Variants in CDH4 observed in about 807,000 individuals in gnomAD.
The protein encoded by CDH4 is cadherin-4.
CDH4 carries 33 observed loss-of-function variants against 86.0 expected under a neutral mutation model. That is an observed-to-expected ratio of 0.38 (90% confidence interval 0.29 to 0.51). The LOEUF is 0.51. Among genes scored for constraint, CDH4 ranks in the 20% least tolerant of loss-of-function variants. The pLI, the probability that CDH4 is intolerant of heterozygous loss-of-function variation, is 0.86. For missense variants in CDH4, 1,114 were observed against 1,307.4 expected, an observed-to-expected ratio of 0.85 and a Z score of 2.28; for synonymous variants, 555 against 549.4, an observed-to-expected ratio of 1.01 and a Z score of -0.14.
chr20:61,254,911 T>G lies in CDH4; in HGVS notation c.143T>G (p.Ile48Ser). 1 of 1,611,290 alleles carries G rather than the reference T, an allele frequency of 6.2e-7. No individual in the cohort carries two copies. Among genetic ancestry groups the G allele is most frequent in the Non-Finnish European group, 8.5e-7 (1 of 1,177,492 alleles). The change falls in exon 2 of 16, where the codon ATT (isoleucine) becomes AGT (serine). Residue 48 changes from isoleucine (I) to serine (S), a missense_variant. Ile to Ser is a moderately radical substitution (Grantham distance 142). Coordinates refer to ENST00000614565, the MANE Select transcript of CDH4 (RefSeq NM_001794.5). ...TACACGGCATTAATCTCCCAAAATA[T>G]TCTAGAAGGGGAAAAGCTACTTCAA... ...DDYTALISQN[I>S]LEGEKLLQVK...
At chr20:61,851,740 CTG>C (rs1207126842) in intron 5 of CDH4, among the ~76,000 whole-genome samples, 1 of 152,226 alleles carries the variant, frequency 6.6e-6, no homozygotes, top group African/African-American at 2.4e-5. Context: ...CCCAGCCTCT[CTG>C]TGTCCTCTGC....
At chr20:61,884,056 G>A (rs1480223882) in intron 7 of CDH4, among the ~76,000 whole-genome samples, 2 of 152,194 alleles carry the variant, frequency 1.3e-5, no homozygotes, top group Admixed American at 6.5e-5. Flanking sequence ...GGGACTCGCT[G>A]CCTGGAACTG....
intron 2 of CDH4, among the ~76,000 whole-genome samples, chr20:61,683,313 A>G (rs2087538238): frequency 6.6e-6 from 1 of 152,246 alleles, no homozygotes; most frequent in Non-Finnish European, 1.5e-5. Flanking sequence ...GCAGAGAAAG[A>G]AACGATCACA....
At chr20:61,348,797 C>G (rs2084693973) in intron 2 of CDH4, among the ~76,000 whole-genome samples, 1 of 152,202 alleles carries the variant, frequency 6.6e-6, no homozygotes, top group Non-Finnish European at 1.5e-5. Context: ...TTGAAATAAA[C>G]CCTCTGATGG....
At chr20:61,512,329 T>C (rs1027251875) in intron 2 of CDH4, among the ~76,000 whole-genome samples, 3 of 152,182 alleles carry the variant, frequency 2.0e-5, no homozygotes, top group Non-Finnish European at 4.4e-5. Context: ...AGAGTTCTTA[T>C]AGCCAGGCCC....
chr20:61,785,052 T>G (rs1244880801), intron 4 of CDH4, among the ~76,000 whole-genome samples: 1 of 152,184 alleles, frequency 6.6e-6, no homozygotes, highest in African/African-American at 2.4e-5. Context: ...ACTGGGGGCT[T>G]CCTCCTGCTC....
intron 2 of CDH4, among the ~76,000 whole-genome samples, chr20:61,624,548 C>T (rs1228746187): frequency 6.6e-6 from 1 of 152,218 alleles, no homozygotes; most frequent in Non-Finnish European, 1.5e-5. Context: ...CAAATGGCCT[C>T]CAAGGCCAGG....
At chr20:61,813,857 C>A (rs1408336897) in intron 4 of CDH4, among the ~76,000 whole-genome samples, 1 of 152,238 alleles carries the variant, frequency 6.6e-6, no homozygotes, top group Non-Finnish European at 1.5e-5. Context: ...CGGCCCTACC[C>A]CTGCCGCACA....
intron 2 of CDH4, among the ~76,000 whole-genome samples, chr20:61,536,555 C>G (rs1227518160): frequency 3.9e-5 from 6 of 152,140 alleles, no homozygotes; most frequent in African/African-American, 7.2e-5. Context: ...TCCGATGCTC[C>G]CCAGGCACCC....
chr20:61,694,621 C>T (rs1568760485), intron 2 of CDH4, among the ~76,000 whole-genome samples: 1 of 152,162 alleles, frequency 6.6e-6, no homozygotes, highest in Non-Finnish European at 1.5e-5. Flanking sequence ...AACTGGGGTT[C>T]TGGGATAGAA....
At chr20:61,651,779 TTCTC>T (rs2087123801) in intron 2 of CDH4, among the ~76,000 whole-genome samples, 1 of 152,248 alleles carries the variant, frequency 6.6e-6, no homozygotes, top group Non-Finnish European at 1.5e-5. Flanking sequence ...TTTCTCAGGA[TTCTC>T]TCTGTCTTAA....
chr20:61,291,641 A>G (rs779760369), intron 2 of CDH4, among the ~76,000 whole-genome samples: 1 of 152,202 alleles, frequency 6.6e-6, no homozygotes, highest in Non-Finnish European at 1.5e-5. Flanking sequence ...CCACAAGGCC[A>G]AACATGCGGG....
intron 2 of CDH4, among the ~76,000 whole-genome samples, chr20:61,617,811 T>A (rs1009235753): frequency 9.9e-5 from 15 of 152,128 alleles, no homozygotes; most frequent in Admixed American, 7.9e-4. Flanking sequence ...TTTGGCTGTC[T>A]CCCCACCCAA....
At chr20:61,845,300 C>T (rs1034071914) in intron 5 of CDH4, among the ~76,000 whole-genome samples, 10 of 152,262 alleles carry the variant, frequency 6.6e-5, no homozygotes, top group Non-Finnish European at 1.2e-4. Flanking sequence ...TCATTTCCTC[C>T]GACGTCTCTC....
chr20:61,538,337 G>A (rs1248324475), intron 2 of CDH4, among the ~76,000 whole-genome samples: 1 of 152,174 alleles, frequency 6.6e-6, no homozygotes, highest in Non-Finnish European at 1.5e-5. Flanking sequence ...AGGGGCTGGT[G>A]CACCAGAGAT....
intron 3 of CDH4, among the ~76,000 whole-genome samples, chr20:61,762,879 A>C (rs997989147): frequency 9.2e-5 from 14 of 152,212 alleles, no homozygotes; most frequent in Admixed American, 9.2e-4. Context: ...CACCCCAACA[A>C]GCTGACACAG....
intron 2 of CDH4, among the ~76,000 whole-genome samples, chr20:61,261,952 G>A (rs2084129715): frequency 2.0e-5 from 3 of 152,238 alleles, no homozygotes; most frequent in African/African-American, 4.8e-5. Flanking sequence ...TGAGCATGCA[G>A]CGAGCAGTCC....
chr20:61,466,952 T>C (rs2085475721), intron 2 of CDH4, among the ~76,000 whole-genome samples: 1 of 152,244 alleles, frequency 6.6e-6, no homozygotes, highest in African/African-American at 2.4e-5. Flanking sequence ...CTAAAAGCAT[T>C]GGTTCATCTA....
chr20:61,492,133 T>G (rs1461736499), intron 2 of CDH4, among the ~76,000 whole-genome samples: 1 of 150,456 alleles, frequency 6.6e-6, no homozygotes, highest in Non-Finnish European at 1.5e-5. Flanking sequence ...ATTGTTAATG[T>G]TGGTGGTGTC....
Sources: allele counts gnomAD v4.1 joint callset (sites outside exome capture counted in the v4.1 genomes callset), GRCh38; gene constraint gnomAD v4.1.1; transcripts MANE v1.5; gene names NCBI Gene and HGNC (gene_info 2026-07-23, HGNC 2026-07-21).